The following DIPK1A variants were observed in gnomAD, a reference collection of about 807,000 sequenced individuals.
DIPK1A encodes divergent protein kinase domain 1A.
DIPK1A carries 27 observed loss-of-function variants against 40.8 expected under a neutral mutation model. The observed-to-expected ratio is 0.66, with a 90% CI of 0.49 to 0.91. The LOEUF is 0.91. Ranked by LOEUF, DIPK1A falls within the 40% of genes least tolerant of loss-of-function variation. The probability of loss-of-function intolerance (pLI) is 0.00; values close to 1 mark genes in which losing one functional copy is unlikely to be tolerated. For synonymous variants in DIPK1A, 166 were observed against 171.3 expected, an observed-to-expected ratio of 0.97 and a Z score of 0.24; for missense variants, 412 against 505.7, an observed-to-expected ratio of 0.81 and a Z score of 1.78.
rs151108777 is a variant in DIPK1A at position 92,940,714 on chromosome 1, T to C, written c.54+20662A>G. On this transcript the variant is annotated intron_variant, in intron 1 of 4. Transcript: ENST00000370310. ...AATTTTTCACCATAAGTTTAAATAG[T>C]TGCAAACTGCTTTCCATGGCTGTAT... Among the ~76,000 whole-genome samples the C allele has an allele frequency of 7.9e-5, 12 of 152,350 alleles. No individual in the cohort carries two copies. The East Asian group carries it at 2.3e-3, about 29-fold the overall frequency.
intron 2 of DIPK1A, among the ~76,000 whole-genome samples, chr1:92,859,706 A>C (rs1571064845): frequency 1.3e-5 from 2 of 152,044 alleles, no homozygotes; most frequent in African/African-American, 4.8e-5. Flanking sequence ...TATTGGTGAA[A>C]TTTGTCATTT....
At chr1:92,952,082 C>T (rs1392782030) in intron 1 of DIPK1A, among the ~76,000 whole-genome samples, 1 of 145,676 alleles carries the variant, frequency 6.9e-6, no homozygotes, top group Admixed American at 6.8e-5. Flanking sequence ...AAAAAAAACA[C>T]ACACAAATGT....
chr1:92,837,255 ATTTCT>A (rs1378811734), downstream of DIPK1A: 2 of 756,940 alleles, frequency 2.6e-6, no homozygotes, highest in African/African-American at 1.7e-5. Context: ...TGTAGCATGA[ATTTCT>A]TTTCTGTCCT....
chr1:92,904,477 A>G (rs1415358253), intron 1 of DIPK1A, among the ~76,000 whole-genome samples: 9 of 152,182 alleles, frequency 5.9e-5, no homozygotes, highest in Non-Finnish European at 1.3e-4. Flanking sequence ...AATACACAGC[A>G]TATACCTATA....
intron 1 of DIPK1A, among the ~76,000 whole-genome samples, chr1:92,922,076 T>C (rs1650291636): frequency 6.6e-6 from 1 of 152,208 alleles, no homozygotes; most frequent in African/African-American, 2.4e-5. Flanking sequence ...CTAATACTAC[T>C]ATTTAAATAA....
At chr1:92,834,829 A>G (rs1364716685) in intron 4 of DIPK1A, 4 of 1,611,816 alleles carry the variant, frequency 2.5e-6, no homozygotes, top group South Asian at 1.1e-5. Context: ...CAGCGTATGC[A>G]CACGAACTGC....
chr1:92,860,298 G>C (rs1458862161), intron 2 of DIPK1A, among the ~76,000 whole-genome samples: 5 of 152,136 alleles, frequency 3.3e-5, no homozygotes, highest in African/African-American at 1.2e-4. Context: ...TCTGGACTCA[G>C]TAGGTCTTGG....
At chr1:92,906,258 A>G (rs1241316637) in intron 1 of DIPK1A, among the ~76,000 whole-genome samples, 1 of 152,180 alleles carries the variant, frequency 6.6e-6, no homozygotes, top group Non-Finnish European at 1.5e-5. Context: ...CTAGCCATTA[A>G]TATATGGATA....
intron 2 of DIPK1A, among the ~76,000 whole-genome samples, chr1:92,872,032 C>A (rs1422014626): frequency 6.7e-6 from 1 of 149,732 alleles, no homozygotes; most frequent in Non-Finnish European, 1.5e-5. Flanking sequence ...AATTTGAGAA[C>A]CCTCCATACT....
chr1:92,832,954 G>T, exon 5 of DIPK1A: 1 of 714,296 alleles, frequency 1.4e-6, no homozygotes, highest in South Asian at 1.5e-5. Flanking sequence ...AGCGTGTTCC[G>T]AACAAACCGA....
chr1:92,870,849 A>G (rs1388819978), intron 2 of DIPK1A, among the ~76,000 whole-genome samples: 1 of 152,200 alleles, frequency 6.6e-6, no homozygotes, highest in East Asian at 1.9e-4. Flanking sequence ...TGAGGGGGAT[A>G]AAGGTCTGGA....
At chr1:92,854,904 G>A (rs1687933101) in intron 2 of DIPK1A, among the ~76,000 whole-genome samples, 1 of 152,140 alleles carries the variant, frequency 6.6e-6, no homozygotes, top group African/African-American at 2.4e-5. Flanking sequence ...GGCCTCATTA[G>A]GAGGAGCTTG....
At chr1:92,930,358 A>G (rs1361612947) in intron 1 of DIPK1A, among the ~76,000 whole-genome samples, 2 of 152,058 alleles carry the variant, frequency 1.3e-5, no homozygotes, top group African/African-American at 2.4e-5. Flanking sequence ...TCTGAGTTTG[A>G]GTTTTCTTGT....
At position 92,961,412 on chromosome 1, in the gene DIPK1A, A is replaced by G. The variant is rs550613373; in HGVS notation, c.18T>C (p.Cys6=). The G allele has an allele frequency of 1.1e-4, 171 of 1,528,190 alleles. No homozygotes were observed. The highest frequency in any genetic ancestry group is 5.0e-4 in the South Asian group (42 of 84,362). The allele number at this position is 1,528,190 out of a possible 1,614,324, so 94.7% of individuals were successfully genotyped here. ...AGGGTTTCCTTAGCCAGGCCCCCGG[A>G]CAGAGACTCCTCGCCATGGTAATCA... is the stretch of plus-strand genomic sequence containing the variant. MARSL[C]PGAWLRKPYY... The change falls in exon 1 of 5, where the codon TGT becomes TGC. Residue 6 remains cysteine, a synonymous_variant. Transcript: ENST00000370310.
At chr1:92,863,842 G>C (rs1361933183) in intron 2 of DIPK1A, among the ~76,000 whole-genome samples, 1 of 152,070 alleles carries the variant, frequency 6.6e-6, no homozygotes, top group African/African-American at 2.4e-5. Context: ...CTTAAGGTCG[G>C]TCAGGAGTTC....
At chr1:92,949,485 C>G (rs1025044443) in intron 1 of DIPK1A, among the ~76,000 whole-genome samples, 4 of 152,028 alleles carry the variant, frequency 2.6e-5, no homozygotes, top group Admixed American at 6.6e-5. Context: ...CCATGTTGGC[C>G]AGGTTGGTCT....
chr1:92,911,816 C>A (rs1054651768), intron 1 of DIPK1A, among the ~76,000 whole-genome samples: 2 of 151,798 alleles, frequency 1.3e-5, no homozygotes, highest in African/African-American at 4.8e-5. Flanking sequence ...GCCTGGCCAA[C>A]ATGGTGAAAC....
intron 1 of DIPK1A, among the ~76,000 whole-genome samples, chr1:92,938,870 C>G (rs1218568219): frequency 6.6e-6 from 1 of 152,168 alleles, no homozygotes; most frequent in African/African-American, 2.4e-5. Flanking sequence ...TATTATTCAC[C>G]TTAAAGTTGG....
chr1:92,936,944 T>C (rs1650968873), intron 1 of DIPK1A, among the ~76,000 whole-genome samples: 1 of 152,344 alleles, frequency 6.6e-6, no homozygotes, highest in African/African-American at 2.4e-5. Context: ...TGCAATTCAC[T>C]GTTCATTCAC....
Sources: gnomAD v4.1 joint callset for allele counts (sites outside exome capture counted in the v4.1 genomes callset) on GRCh38, gnomAD v4.1.1 for gene constraint, MANE v1.5 for transcripts, NCBI Gene and HGNC (gene_info 2026-07-23, HGNC 2026-07-21) for gene names.